Variants in NXF1 observed in about 807,000 individuals in gnomAD.
NXF1 encodes the protein mRNA export factor TAP.
In NXF1, 43 loss-of-function variants were observed where a neutral mutation model predicts 92.4. The ratio of observed to expected loss-of-function variants is 0.47; its 90% CI spans 0.36 to 0.60. The LOEUF is 0.60. Ranked by LOEUF, NXF1 falls within the 20% of genes least tolerant of loss-of-function variation. The probability of loss-of-function intolerance (pLI) is 0.00; values close to 1 mark genes in which losing one functional copy is unlikely to be tolerated. For missense variants in NXF1, 576 were observed against 793.0 expected (o/e 0.73, Z 3.29); for synonymous variants, 288 against 292.2 (o/e 0.99, Z 0.15).
In NXF1 at chr11:62,797,250, C is replaced by G; in HGVS notation, c.1123-12G>C. On this transcript the variant is annotated splice_polypyrimidine_tract_variant and intron_variant, in intron 12 of 20. Coordinates refer to ENST00000294172, the MANE Select transcript of NXF1 (RefSeq NM_006362.5). ...CCAAAATAGCTTCCCTGAAATCAAA[C>G]AGGTATTAGGAACATGGAAGCAGTA... 6.2e-7 allele frequency: 1 copy of G among 1,614,120 alleles called. No homozygotes were observed. The highest frequency in any genetic ancestry group is 8.5e-7 in the Non-Finnish European group (1 of 1,179,990).
chr11:62,792,442 T>G lies in NXF1; in HGVS notation c.*34A>C. The stretch of plus-strand genomic sequence containing the variant: ...CAGACGGTAATATCCAAGGACTATT[T>G]ACAGGGGGGACTGCTTCTGAGGCAT... On this transcript the variant is annotated 3_prime_UTR_variant, in exon 21 of 21. Transcript: ENST00000294172. 1 of 1,613,708 alleles carries G rather than the reference T, an allele frequency of 6.2e-7. No homozygotes were observed. The highest frequency in any genetic ancestry group is 8.5e-7 in the Non-Finnish European group (1 of 1,179,588).
At position 62,803,855 on chromosome 11, in the gene NXF1, C is replaced by T. The variant is rs766820705; in HGVS notation, c.152G>A (p.Arg51His). The T allele has an allele frequency of 1.5e-5, 25 of 1,614,066 alleles. No homozygotes were observed. The highest frequency in any genetic ancestry group is 3.3e-5 in the Admixed American group (2 of 60,002). The change falls in exon 2 of 21, where the codon CGC (arginine) becomes CAC (histidine). Residue 51 changes from arginine (R) to histidine (H), a missense_variant. Around this residue, in one of 2 missense-constraint regions of NXF1, gnomAD observed 151 missense variants for 157.8 expected, o/e 0.96. Transcript: ENST00000294172. ...CACATCTCCATCATCTTCCTCAAGG[C>T]GGGAAGACCGAATACCAGAACCGCC... Reference protein sequence around the residue: ...GRGGSGIRSSRLEEDDGDVAM... With the variant: ...GRGGSGIRSSHLEEDDGDVAM...
At position 62,803,513 on chromosome 11, in the gene NXF1, A is replaced by C. The variant is rs1352641875; in HGVS notation, c.275T>G (p.Ile92Ser). 1 of 1,613,988 alleles carries C rather than the reference A, an allele frequency of 6.2e-7. No individual in the cohort carries two copies. ...RGDTWHDRDR[I>S]HVTVRRDRAP... ...TCTGTCTCTCCGCACAGTAACATGAATGCGATCTCGATCATGCCAAGTATC... is the reference window on the plus strand; with the variant it reads ...TCTGTCTCTCCGCACAGTAACATGACTGCGATCTCGATCATGCCAAGTATC... The change falls in exon 3 of 21, where the codon ATT becomes AGT. Residue 92 changes from isoleucine (I) to serine (S), a missense_variant. Around this residue, in one of 2 missense-constraint regions of NXF1, gnomAD observed 151 missense variants for 157.8 expected, o/e 0.96. Coordinates refer to ENST00000294172, the MANE Select transcript of NXF1 (RefSeq NM_006362.5).
chr11:62,797,549 T>A (rs1196106253), intron 11 of NXF1, among the ~76,000 whole-genome samples, 163 bp from the exon 12 acceptor site: 2 of 151,488 alleles, frequency 1.3e-5, no homozygotes, highest in Non-Finnish European at 2.9e-5. Flanking sequence ...CCAAAAAAAA[T>A]ACAAAAATTA....
In NXF1 at chr11:62,792,175, A is replaced by G. The variant is rs1235204719; in HGVS notation, c.*301T>C. The G allele has an allele frequency of 1.6e-6, 1 of 642,190 alleles. No individual in the cohort carries two copies. Among genetic ancestry groups the G allele is most frequent in the African/African-American group, 1.8e-5 (1 of 54,608 alleles). 39.8% of individuals were successfully genotyped at this position (642,190 alleles called of 1,614,324 possible). A position where few individuals can be genotyped will look rare whatever the true frequency, so the allele number is the denominator to read the frequency against. ...TAAAAAGTGCAGAACACGAAATACA[A>G]CATCACTCTTTATATTAAAAAGTAA... On this transcript the variant is annotated 3_prime_UTR_variant, in exon 21 of 21. Coordinates refer to ENST00000294172, the MANE Select transcript of NXF1 (RefSeq NM_006362.5).
rs770860085 is a variant in NXF1, at chr11:62,794,357, G to A, written c.1661C>T (p.Thr554Met). The A allele has an allele frequency of 6.8e-6, 11 of 1,614,040 alleles. No homozygotes were observed. The highest frequency in any genetic ancestry group is 7.6e-6 in the Non-Finnish European group (9 of 1,180,026). The change falls in exon 19 of 21, where the codon ACG becomes ATG. Residue 554 changes from threonine (T) to methionine (M), a missense_variant. This residue lies in a region of NXF1 where 425 missense variants were observed against 635.2 expected (regional missense o/e 0.67). Transcript: ENST00000294172. ...IQRAFAMPAP[T>M]PSSSPVPTLS... Reference sequence around the variant, plus strand: ...GGTGGGCACCGGGCTGGAGGAAGGCGTGGGTGCAGGCATAGCGAAGGCTCT... The same window carrying A: ...GGTGGGCACCGGGCTGGAGGAAGGCATGGGTGCAGGCATAGCGAAGGCTCT...
rs765813168 is a variant in NXF1 at position 62,795,956 on chromosome 11, C to T, written c.1462-13G>A. ...ACAGCAATGTGCTCTGAAAGAGAAGCAGCATCAGGTACAATGTACACTTCT... is the reference window on the plus strand; with the variant it reads ...ACAGCAATGTGCTCTGAAAGAGAAGTAGCATCAGGTACAATGTACACTTCT... On this transcript the variant is annotated splice_polypyrimidine_tract_variant and intron_variant, in intron 16 of 20. Transcript: ENST00000294172. 1 of 1,613,968 alleles carries T rather than the reference C, an allele frequency of 6.2e-7. No individual in the cohort carries two copies. The highest frequency in any genetic ancestry group is 8.5e-7 in the Non-Finnish European group (1 of 1,179,974).
At position 62,802,049 on chromosome 11, in the gene NXF1, A is replaced by T. The variant is rs974266957; in HGVS notation, c.454-3T>A. ...GCCCGTGTATTCTCATAGTGAAACT[A>T]CAAGAGGAAACAGGAGCATTACACT... On this transcript the variant is annotated splice_region_variant and splice_polypyrimidine_tract_variant and intron_variant, in intron 4 of 20. Transcript: ENST00000294172. 6.2e-7 allele frequency: 1 copy of T among 1,613,752 alleles called. No individual in the cohort carries two copies. The highest frequency in any genetic ancestry group is 8.5e-7 in the Non-Finnish European group (1 of 1,179,600).
At chr11:62,797,470 C>T in intron 11 of NXF1, 84 bp from the exon 12 acceptor site, 1 of 1,204,790 alleles carries the variant, frequency 8.3e-7, no homozygotes, top group Non-Finnish European at 1.2e-6. Context: ...GAGGCCGAGG[C>T]AGGCAGATGG....
chr11:62,795,230 C>A, intron 17 of NXF1: 1 of 472,356 alleles, frequency 2.1e-6, no homozygotes, highest in Non-Finnish European at 3.8e-6. Context: ...ATAATCCCAG[C>A]ACTTTGGGAG....
chr11:62,797,150 C>A, intron 13 of NXF1, 33 bp downstream of exon 13: 1 of 1,604,568 alleles, frequency 6.2e-7, no homozygotes, highest in Non-Finnish European at 8.5e-7. Context: ...CCCTCAACCT[C>A]GGGGTGGGGA....
At chr11:62,800,245 G>C (rs191423180) in intron 10 of NXF1, 132 bp downstream of exon 10, 8 of 1,492,260 alleles carry the variant, frequency 5.4e-6, no homozygotes, top group Non-Finnish European at 7.2e-6. Flanking sequence ...GGGAGCACGC[G>C]ATCCTCTCAA....
intron 9 of NXF1, 104 bp downstream of exon 9, chr11:62,800,990 A>T: frequency 1.2e-6 from 1 of 830,180 alleles, no homozygotes; most frequent in Non-Finnish European, 2.0e-6. Flanking sequence ...GCAAACCAGC[A>T]CATCTGGCCT....
At chr11:62,796,792 G>C in intron 13 of NXF1, 1 of 562,320 alleles carries the variant, frequency 1.8e-6, no homozygotes, top group Non-Finnish European at 3.2e-6. Flanking sequence ...AAAATGGCTA[G>C]GTGCGGTGGC....
At chr11:62,805,296 T>C (rs1322319735) in intron 1 of NXF1, 33 bp downstream of exon 1, 3 of 1,590,048 alleles carry the variant, frequency 1.9e-6, no homozygotes, top group Admixed American at 1.8e-5. Flanking sequence ...GCGCCCCAGA[T>C]AGCCAGTTCC....
At chr11:62,798,291 G>A (rs2084441813) in intron 11 of NXF1, among the ~76,000 whole-genome samples, 1 of 150,952 alleles carries the variant, frequency 6.6e-6, no homozygotes, top group Non-Finnish European at 1.5e-5. Flanking sequence ...AGCCAGGTGT[G>A]GTAGCACATG....
At chr11:62,804,277 C>A in intron 1 of NXF1, 1 of 1,258,304 alleles carries the variant, frequency 7.9e-7, no homozygotes, top group Non-Finnish European at 1.0e-6. Context: ...ACAAATCAGA[C>A]CTCTGAAAGC....
Position 62,796,060 on chromosome 11 carries a change from G to C in NXF1, c.1461+6C>G, listed in dbSNP as rs1249771254. 4 of 1,613,236 alleles carry C rather than the reference G, an allele frequency of 2.5e-6. No individual in the cohort carries two copies. The highest frequency in any genetic ancestry group is 3.4e-6 in the Non-Finnish European group (4 of 1,179,800). On this transcript the variant is annotated splice_donor_region_variant and intron_variant, in intron 16 of 20. Transcript: ENST00000294172. ...AGGCTTCTGTCAGGCGCAAGCAGGA[G>C]CTTACTGTCTGGGCGCTTATGTCTA...
In NXF1 at chr11:62,798,447, A is replaced by G. The variant is rs888030110; in HGVS notation, c.1053+92T>C. 4.6e-6 allele frequency: 7 copies of G among 1,533,738 alleles called. 1 individual carries two copies. Among genetic ancestry groups the G allele is most frequent in the African/African-American group, 1.4e-5 (1 of 71,138 alleles). ...AACTCCGTCTCAAATAAAAAAAAAAAAAAGAAAAAGAAAAAGAAAAAGAAA... is the reference window on the plus strand; with the variant it reads ...AACTCCGTCTCAAATAAAAAAAAAAGAAAGAAAAAGAAAAAGAAAAAGAAA... On this transcript the variant is annotated intron_variant, in intron 11 of 20. Coordinates refer to ENST00000294172, the MANE Select transcript of NXF1 (RefSeq NM_006362.5).
Sources: allele counts gnomAD v4.1 joint callset (sites outside exome capture counted in the v4.1 genomes callset), GRCh38; gene constraint gnomAD v4.1.1; regional missense constraint gnomAD v4.1.1; transcripts MANE v1.5; gene names NCBI Gene and HGNC (gene_info 2026-07-23, HGNC 2026-07-21).